The following MYOM1 variants were observed in gnomAD, a reference collection of about 807,000 sequenced individuals.
The protein encoded by MYOM1 is myomesin-1.
MYOM1 carries 164 observed loss-of-function variants against 205.3 expected under a neutral mutation model. The observed-to-expected ratio is 0.80, with a 90% confidence interval of 0.70 to 0.91. The LOEUF is 0.91. Ranked by LOEUF, MYOM1 falls within the 40% of genes least tolerant of loss-of-function variation. The probability of loss-of-function intolerance (pLI) is 0.00; values close to 1 mark genes in which losing one functional copy is unlikely to be tolerated. For missense variants in MYOM1, 2,011 were observed against 2,127.3 expected, an observed-to-expected ratio of 0.95 and a Z score of 1.08; for synonymous variants, 772 against 789.4, an observed-to-expected ratio of 0.98 and a Z score of 0.37.
At chr18:3,091,857 G>A (rs571485329) in intron 26 of MYOM1, among the ~76,000 whole-genome samples, 51 of 151,884 alleles carry the variant, frequency 3.4e-4, no homozygotes, top group Admixed American at 3.1e-3. Flanking sequence ...TCAGCCTCCT[G>A]AGTAGCTGGG....
At position 3,071,829 on chromosome 18, in the gene MYOM1, C is replaced by G. The variant is rs1299526219; in HGVS notation, c.4764+5G>C. 6.3e-7 allele frequency: 1 copy of G among 1,598,248 alleles called. No individual in the cohort carries two copies. Among genetic ancestry groups the G allele is most frequent in the East Asian group, 2.3e-5 (1 of 44,092 alleles). On this transcript the variant is annotated splice_donor_5th_base_variant and intron_variant, in intron 37 of 37. Transcript: ENST00000356443. ...GGAGCAGGCACAGGCAGGCTTCATG[C>G]TTACCTTCCCCTCCTGGATGGTGAC...
chr18:3,093,316 C>A (rs1251851922), intron 26 of MYOM1, among the ~76,000 whole-genome samples: 1 of 152,150 alleles, frequency 6.6e-6, no homozygotes, highest in East Asian at 1.9e-4. Flanking sequence ...GCCCCTGAAC[C>A]CCCAGTTCTT....
chr18:3,075,849 G>A, intron 34 of MYOM1, 88 bp from the exon 35 acceptor site: 1 of 1,217,758 alleles, frequency 8.2e-7, no homozygotes, highest in Non-Finnish European at 1.2e-6. Context: ...GGAGATTGCT[G>A]TGATCGGTCC....
chr18:3,131,064 A>C (rs1013547516), intron 17 of MYOM1, among the ~76,000 whole-genome samples: 1 of 152,222 alleles, frequency 6.6e-6, no homozygotes, highest in African/African-American at 2.4e-5. Context: ...TGGAATCGGA[A>C]TGGCCCTTCA....
At chr18:3,225,160 T>C in the MYOM1 span, among the ~76,000 whole-genome samples, 20 of 151,836 alleles carry the variant, frequency 1.3e-4, no homozygotes, top group African/African-American at 4.1e-4. Context: ...ACTAATTTTT[T>C]GTATTTTTTT....
At chr18:3,237,516 G>A in the MYOM1 span, among the ~76,000 whole-genome samples, 4 of 149,212 alleles carry the variant, frequency 2.7e-5, no homozygotes, top group Admixed American at 6.8e-5. Flanking sequence ...GGAGAATGGC[G>A]TGAACCCGGG....
chr18:3,130,424 T>C (rs1598704628), intron 17 of MYOM1, among the ~76,000 whole-genome samples: 2 of 152,126 alleles, frequency 1.3e-5, no homozygotes, highest in South Asian at 2.1e-4. Context: ...TTAAAAAACA[T>C]GCGTTACTAT....
intron 5 of MYOM1, among the ~76,000 whole-genome samples, chr18:3,180,662 C>G (rs779907218): frequency 2.0e-5 from 3 of 152,160 alleles, no homozygotes; most frequent in Admixed American, 1.3e-4. Context: ...TGTGAATATT[C>G]AGATGTATAC....
chr18:3,113,845 G>A (rs7228909), intron 21 of MYOM1, among the ~76,000 whole-genome samples: 132,834 of 152,226 alleles, frequency 0.87, 58,466 homozygotes, highest in East Asian at 0.97. Flanking sequence ...AAACAATGTT[G>A]GAATAAAGTT....
rs528198478 is a variant in MYOM1 at position 3,134,316 on chromosome 18, C to T, written c.2384+334G>A. Among the ~76,000 whole-genome samples the T allele has an allele frequency of 3.0e-3, 457 of 152,288 alleles. 2 individuals carry two copies. The highest frequency in any genetic ancestry group is 0.01 in the African/African-American group (433 of 41,566). On this transcript the variant is annotated intron_variant, in intron 16 of 37. Coordinates refer to ENST00000356443, the MANE Select transcript of MYOM1 (RefSeq NM_003803.4). ...TAGTTGAACTCAAGTTGAACTCAAG[C>T]TCAAGGGATCCTCCCTCCTCAGCCT... is the stretch of plus-strand genomic sequence containing the variant.
chr18:3,075,645 C>T, intron 35 of MYOM1, 80 bp downstream of exon 35: 1 of 1,499,644 alleles, frequency 6.7e-7, no homozygotes, highest in Non-Finnish European at 9.3e-7. Flanking sequence ...CTCTTTCTAA[C>T]ACTCAGAGGG....
chr18:3,147,511 T>C (rs2080146863), intron 13 of MYOM1, among the ~76,000 whole-genome samples: 1 of 152,058 alleles, frequency 6.6e-6, no homozygotes, highest in South Asian at 2.1e-4. Context: ...AAAGACAGAA[T>C]AGCTGAAACA....
At chr18:3,099,468 T>C (rs2079349403) in intron 25 of MYOM1, among the ~76,000 whole-genome samples, 1 of 152,206 alleles carries the variant, frequency 6.6e-6, no homozygotes, top group African/African-American at 2.4e-5. Context: ...TCTACTTGTT[T>C]TCTCAAACTC....
chr18:3,083,124 G>A (rs571730484), intron 33 of MYOM1, among the ~76,000 whole-genome samples: 1 of 152,330 alleles, frequency 6.6e-6, no homozygotes, highest in East Asian at 1.9e-4. Context: ...GCCCAAGCAT[G>A]ACTGTCTGGA....
At position 3,094,947 on chromosome 18, in the gene MYOM1, C is replaced by T. The variant is rs147451401; in HGVS notation, c.3728-641G>A. Among the ~76,000 whole-genome samples, 880 of 152,192 alleles carry T rather than the reference C, an allele frequency of 5.8e-3. 5 individuals are homozygous for T. Among genetic ancestry groups the T allele is most frequent in the Middle Eastern group, 0.01 (3 of 294 alleles). On this transcript the variant is annotated intron_variant, in intron 25 of 37. Transcript: ENST00000356443. ...GTGTTGGGATTACAGGTGTGAGCCA[C>T]CTCATCTAGTTGGCATGTGCTGTAT...
At chr18:3,095,099 G>C (rs548608884) in intron 25 of MYOM1, among the ~76,000 whole-genome samples, 1 of 152,238 alleles carries the variant, frequency 6.6e-6, no homozygotes, top group African/African-American at 2.4e-5. Flanking sequence ...TCACTACCAA[G>C]TTCAGTGTGA....
At chr18:3,134,869 AT>A in intron 15 of MYOM1, 45 bp from the exon 16 acceptor site, 1 of 1,591,040 alleles carries the variant, frequency 6.3e-7, no homozygotes, top group African/African-American at 1.3e-5. Flanking sequence ...GGTTTTAAAA[AT>A]TCATCCTTAT....
At chr18:3,242,425 G>A in the MYOM1 span, among the ~76,000 whole-genome samples, 10 of 152,130 alleles carry the variant, frequency 6.6e-5, no homozygotes, top group Middle Eastern at 3.2e-3. Flanking sequence ...TTCATCTTCC[G>A]CAATGATTGT....
intron 21 of MYOM1, among the ~76,000 whole-genome samples, chr18:3,113,730 A>G (rs80213574): frequency 0.15 from 15,833 of 109,124 alleles, 1,035 homozygotes; most frequent in East Asian, 0.29. Context: ...TTTTAAAAAC[A>G]TGTGACTTTT....
Sources: gnomAD v4.1 joint callset for allele counts (sites outside exome capture counted in the v4.1 genomes callset) on GRCh38, gnomAD v4.1.1 for gene constraint, MANE v1.5 for transcripts, NCBI Gene and HGNC (gene_info 2026-07-23, HGNC 2026-07-21) for gene names.